Variants in NEB observed in about 807,000 individuals in gnomAD.
NEB encodes nemaline myopathy type 2.
Under a neutral mutation model 952.2 loss-of-function variants are expected in NEB, and 512 were observed. The observed-to-expected ratio is 0.54, with a 90% CI of 0.50 to 0.58. The LOEUF (loss-of-function observed/expected upper bound fraction) is 0.58, where lower values mean the gene tolerates loss of function less well. NEB is among the 20% of genes least tolerant of loss of function. The pLI is 0.00. For synonymous variants in NEB, 2,900 were observed against 3,149.8 expected, an observed-to-expected ratio of 0.92 and a Z score of 2.66; for missense variants, 8,428 against 9,231.1, an observed-to-expected ratio of 0.91 and a Z score of 3.56.
In NEB at chr2:151,570,491, A is replaced by G. The variant is rs754685780; in HGVS notation, c.17118+6T>C. 1 of 1,592,602 alleles carries G rather than the reference A, an allele frequency of 6.3e-7. No individual in the cohort carries two copies. The highest frequency in any genetic ancestry group is 1.2e-5 in the South Asian group (1 of 86,096). On this transcript the variant is annotated splice_donor_region_variant and intron_variant, in intron 108 of 181. Transcript: ENST00000397345. ...AAAAACTGAGAAGTTAAAAAAGGCC[A>G]CTCACGTCACTGGCAATCTCCCTGG... is the stretch of plus-strand genomic sequence containing the variant.
Position 151,545,347 on chromosome 2 carries a change from G to A in NEB, c.20577+541C>T, listed in dbSNP as rs913524245. On this transcript the variant is annotated intron_variant, in intron 135 of 181. Coordinates refer to ENST00000397345, the MANE Select transcript of NEB (RefSeq NM_001164508.2). Reference sequence around the variant, plus strand: ...TTCCAGTACTTTGGAAGGCTGAGGCGGGCGGATCACCTGAGGTTGGGAGTT... The same window carrying A: ...TTCCAGTACTTTGGAAGGCTGAGGCAGGCGGATCACCTGAGGTTGGGAGTT... 4.6e-5 allele frequency among the ~76,000 whole-genome samples: 7 copies of A among 151,964 alleles called. No individual in the cohort carries two copies. The East Asian group carries it at 9.6e-4, about 21-fold the overall frequency.
At chr2:151,568,804 A>G in intron 110 of NEB, 88 bp from the exon 111 acceptor site, 1 of 923,182 alleles carries the variant, frequency 1.1e-6, no homozygotes, top group South Asian at 1.7e-5. Flanking sequence ...GTCCTTCTCT[A>G]CTAGAAACAT....
rs181598432 is a variant in NEB at position 151,497,885 on chromosome 2, G to C, written c.24208-167C>G. 1.5e-4 allele frequency: 226 copies of C among 1,494,862 alleles called. No individual in the cohort carries two copies. The African/African-American group carries it at 2.8e-3, about 18-fold the overall frequency. 92.6% of individuals were successfully genotyped at this position (1,494,862 alleles called of 1,614,324 possible). A position where few individuals can be genotyped will look rare whatever the true frequency, so the allele number is the denominator to read the frequency against. On this transcript the variant is annotated intron_variant, in intron 170 of 181. Transcript: ENST00000397345. ...AAGCTGTTGTTGGGATAGGGAATCTGCACCCTCTAGAGAAGCAGGGACTTC... is the reference window on the plus strand; with the variant it reads ...AAGCTGTTGTTGGGATAGGGAATCTCCACCCTCTAGAGAAGCAGGGACTTC...
chr2:151,555,880 A>AAC (rs1553743429), intron 124 of NEB, among the ~76,000 whole-genome samples: 1 of 151,582 alleles, frequency 6.6e-6, no homozygotes, highest in African/African-American at 2.4e-5. Flanking sequence ...TTAAAAAAAA[A>AAC]AAAAACACAT....
chr2:151,675,414 T>C (rs773670407), intron 34 of NEB, 23 bp from the exon 35 acceptor site: 5 of 1,459,668 alleles, frequency 3.4e-6, no homozygotes, highest in Non-Finnish European at 3.8e-6. Context: ...GCATTTCACA[T>C]AGTGCAAAAA....
intron 106 of NEB, 138 bp from the exon 107 acceptor site, chr2:151,575,937 C>A: frequency 1.3e-6 from 1 of 775,106 alleles, no homozygotes; most frequent in South Asian, 1.7e-5. Flanking sequence ...AATCTTTTCA[C>A]GTAAGTTACT....
rs533027587 is a variant in NEB at position 151,614,536 on chromosome 2, G to A, written c.11341C>T (p.Arg3781Trp). The A allele has an allele frequency of 4.2e-5, 68 of 1,613,784 alleles. No homozygotes were observed. In the East Asian group the frequency reaches 8.9e-4, roughly 21 times the overall value. Residue 3781 changes from arginine to tryptophan, a missense_variant, in exon 77 of 182, where the codon CGG becomes TGG. Arg to Trp is a moderately radical substitution (Grantham distance 101, BLOSUM62 -3). Transcript: ENST00000397345. ...ATCTTCGGGTCATCCTTAATGTTCC[G>A]GGCCCCAATATGGTGGCCAAGCTGT... The part of the protein sequence containing the change: ...RKQLGHHIGA[R>W]NIKDDPKMMW...
At chr2:151,489,940 AATTT>A (rs745856699) in intron 181 of NEB, 27 bp downstream of exon 181, 2 of 1,502,904 alleles carry the variant, frequency 1.3e-6, no homozygotes, top group Non-Finnish European at 9.3e-7. Flanking sequence ...AATTAAGAAT[AATTT>A]ATTTAAGTGA....
chr2:151,553,757 G>T, intron 126 of NEB, 71 bp downstream of exon 126: 1 of 1,399,332 alleles, frequency 7.1e-7, no homozygotes, highest in Non-Finnish European at 9.7e-7. Context: ...AGAAATGGGT[G>T]AGTTTGCTGC....
rs1399700090 is a variant in NEB, at chr2:151,565,162, A to G, written c.18367-14T>C. 3.0e-6 allele frequency: 4 copies of G among 1,318,362 alleles called. No individual in the cohort carries two copies. Among genetic ancestry groups the G allele is most frequent in the Admixed American group, 4.1e-5 (2 of 48,318 alleles). The allele number at this position is 1,318,362 out of a possible 1,614,324, so 81.7% of individuals were successfully genotyped here. On this transcript the variant is annotated splice_polypyrimidine_tract_variant and intron_variant, in intron 116 of 181. Coordinates refer to ENST00000397345, the MANE Select transcript of NEB (RefSeq NM_001164508.2). ...TTTATATTTTACCTAAGGAGAGAAA[A>G]CCAAATCTTTTATTACTATAAATGA...
intron 92 of NEB, 97 bp from the exon 93 acceptor site, chr2:151,594,415 T>G: frequency 2.2e-6 from 3 of 1,351,186 alleles, no homozygotes. Flanking sequence ...TTCTTAGCCT[T>G]GGTATAAATT....
At position 151,636,144 on chromosome 2, in the gene NEB, G is replaced by C; in HGVS notation, c.9102+83C>G. 3.3e-6 allele frequency: 4 copies of C among 1,198,234 alleles called. No homozygotes were observed. In the South Asian group the frequency reaches 5.6e-5, roughly 17 times the overall value. The allele number at this position is 1,198,234 out of a possible 1,614,324, so 74.2% of individuals were successfully genotyped here. On this transcript the variant is annotated intron_variant, in intron 64 of 181. Transcript: ENST00000397345. Reference sequence around the variant, plus strand: ...ATCAGGATATATTTTCAAAGGTCCAGGAAAAGTTCTTTTCTAAGATTTAGT... The same window carrying C: ...ATCAGGATATATTTTCAAAGGTCCACGAAAAGTTCTTTTCTAAGATTTAGT...
Position 151,502,803 on chromosome 2 carries a change from T to C in NEB, c.23918A>G (p.Asn7973Ser). The C allele has an allele frequency of 6.3e-7, 1 of 1,599,936 alleles. No homozygotes were observed. Among genetic ancestry groups the C allele is most frequent in the Non-Finnish European group, 8.6e-7 (1 of 1,169,028 alleles). Reference sequence around the variant, plus strand: ...CCCCCTAAGAAATACCGAGCTAAAGTTCTCTTGATTGCGTTTGACTCTCTC... The same window carrying C: ...CCCCCTAAGAAATACCGAGCTAAAGCTCTCTTGATTGCGTTTGACTCTCTC... ...EMERVKRNQE[N>S]FSSILYKENL... Residue 7973 changes from asparagine (N) to serine (S), a missense_variant, in exon 167 of 182, where the codon AAC becomes AGC. Asn to Ser is a conservative substitution (Grantham distance 46). This residue lies in a region of NEB where 3,374 missense variants were observed against 3,651.5 expected (regional missense o/e 0.92). Transcript: ENST00000397345.
In NEB at chr2:151,492,110, C is replaced by T. The variant is rs2057114337; in HGVS notation, c.25045G>A (p.Glu8349Lys). The stretch of plus-strand genomic sequence containing the variant: ...CAGGCTCAGTTACCTGTAATAGTCT[C>T]CTGATCTTGGTCATTCCGTTTTTGT... ...MEQKRNDQDQ[E>K]TITGLRVWRT... Residue 8349 changes from glutamate to lysine, a missense_variant, in exon 178 of 182, where the codon GAG (glutamate) becomes AAG (lysine). This residue lies in a region of NEB where 3,374 missense variants were observed against 3,651.5 expected (regional missense o/e 0.92). Transcript: ENST00000397345. 1.2e-6 allele frequency: 2 copies of T among 1,613,786 alleles called. No individual in the cohort carries two copies. The highest frequency in any genetic ancestry group is 2.7e-5 in the African/African-American group (2 of 74,916).
At chr2:151,630,978 A>G (rs914382468) in intron 66 of NEB, among the ~76,000 whole-genome samples, 159 bp from the exon 67 acceptor site, 1 of 152,222 alleles carries the variant, frequency 6.6e-6, no homozygotes, top group Non-Finnish European at 1.5e-5. Context: ...AGTTATCAAG[A>G]TTGAAACTTG....
intron 167 of NEB, among the ~76,000 whole-genome samples, chr2:151,501,933 G>A (rs1331112817): frequency 6.6e-6 from 1 of 152,038 alleles, no homozygotes; most frequent in East Asian, 1.9e-4. Context: ...TTTTCCAAAG[G>A]AAAAATTAAT....
chr2:151,619,357 A>G (rs767957348), intron 73 of NEB, 94 bp downstream of exon 73: 8 of 1,264,492 alleles, frequency 6.3e-6, no homozygotes, highest in Non-Finnish European at 8.7e-6. Context: ...TTTGAAATAT[A>G]CAAACAAATT....
chr2:151,568,171 T>C lies in NEB; in HGVS notation c.17744A>G (p.Tyr5915Cys), dbSNP rs1418690826. 7 of 1,612,784 alleles carry C rather than the reference T, an allele frequency of 4.3e-6. No homozygotes were observed. Among genetic ancestry groups the C allele is most frequent in the Admixed American group, 1.7e-5 (1 of 59,906 alleles). The change falls in exon 113 of 182, where the codon TAC becomes TGC. Residue 5915 changes from tyrosine (Y) to cysteine (C), a missense_variant. Tyr to Cys is a radical substitution (Grantham distance 194). This residue lies in a region of NEB where 3,374 missense variants were observed against 3,651.5 expected (regional missense o/e 0.92). Coordinates refer to ENST00000397345, the MANE Select transcript of NEB (RefSeq NM_001164508.2). The part of the protein sequence containing the change: ...EAARILDQYL[Y>C]KEGWERQKAT... ...TTTTTGTCTCTCCCAGCCTTCCTTG[T>C]AGAGATACTGAAAGACAGAGCCACC...
At chr2:151,697,797 C>T (rs907747232) in intron 13 of NEB, 149 bp from the exon 14 acceptor site, 16 of 604,400 alleles carry the variant, frequency 2.6e-5, no homozygotes, top group African/African-American at 5.6e-5. Flanking sequence ...CCAGGTGCGG[C>T]GGCTCACGCC....
Sources: gnomAD v4.1 joint callset for allele counts (sites outside exome capture counted in the v4.1 genomes callset) on GRCh38, gnomAD v4.1.1 for gene constraint, gnomAD v4.1.1 regional missense constraint, MANE v1.5 for transcripts, NCBI Gene and HGNC (gene_info 2026-07-23, HGNC 2026-07-21) for gene names.